ERC2: variants seen among roughly 807,000 people sequenced by gnomAD.
ERC2 encodes the protein ELKS/RAB6-interacting/CAST family member 2.
Under a neutral mutation model 114.8 loss-of-function variants are expected in ERC2, and 42 were observed. The ratio of observed to expected loss-of-function variants is 0.37; its 90% CI spans 0.29 to 0.47. The LOEUF (loss-of-function observed/expected upper bound fraction) is 0.47. ERC2 is among the 20% of genes least tolerant of loss of function. ERC2 has a pLI of 0.99. For synonymous variants in ERC2, 454 were observed against 425.5 expected (o/e 1.07, Z -0.82); for missense variants, 939 against 1,150.7 (o/e 0.82, Z 2.66).
chr3:55,682,557 G>A (rs1286591023), intron 17 of ERC2, among the ~76,000 whole-genome samples: 5 of 152,044 alleles, frequency 3.3e-5, no homozygotes, highest in African/African-American at 2.4e-5. Flanking sequence ...ACAATGAAAC[G>A]TCACCCACAG....
intron 3 of ERC2, among the ~76,000 whole-genome samples, chr3:56,287,029 G>A (rs147369392): frequency 1.0e-3 from 153 of 152,184 alleles, no homozygotes; most frequent in Admixed American, 2.4e-3. Flanking sequence ...CCTTTTTAGC[G>A]CTCTATCCGA....
intron 15 of ERC2, among the ~76,000 whole-genome samples, chr3:55,717,603 C>T (rs750700257): frequency 3.9e-5 from 6 of 152,088 alleles, no homozygotes; most frequent in Non-Finnish European, 8.8e-5. Context: ...TTGGTTTGTT[C>T]GAGAAGCTCT....
chr3:55,781,935 G>A (rs1276916835), intron 14 of ERC2, among the ~76,000 whole-genome samples: 2 of 151,700 alleles, frequency 1.3e-5, no homozygotes, highest in East Asian at 3.9e-4. Context: ...AACCAGAATG[G>A]AAAAGCAGCC....
At chr3:55,775,166 T>C (rs2068500661) in intron 14 of ERC2, among the ~76,000 whole-genome samples, 1 of 152,192 alleles carries the variant, frequency 6.6e-6, no homozygotes, top group South Asian at 2.1e-4. Flanking sequence ...AGGCCTTCTT[T>C]GTCTTCAATT....
intron 2 of ERC2, among the ~76,000 whole-genome samples, chr3:56,416,865 G>A (rs754005124): frequency 1.3e-5 from 2 of 152,076 alleles, no homozygotes; most frequent in Non-Finnish European, 1.5e-5. Context: ...ATCCATTTCA[G>A]TCATTCAGTC....
At chr3:56,264,596 CA>C (rs35155507) in intron 3 of ERC2, among the ~76,000 whole-genome samples, 37,666 of 136,580 alleles carry the variant, frequency 0.28, 5,337 homozygotes, top group East Asian at 0.56. Context: ...GACTCCATCT[CA>C]AAAAAAAAAA....
chr3:56,435,827 C>T (rs1288159737), intron 1 of ERC2, among the ~76,000 whole-genome samples: 1 of 152,200 alleles, frequency 6.6e-6, no homozygotes, highest in African/African-American at 2.4e-5. Flanking sequence ...AAACACATAG[C>T]CAGATCCTCA....
chr3:55,890,936 C>A (rs2063568502), intron 13 of ERC2, among the ~76,000 whole-genome samples: 1 of 152,162 alleles, frequency 6.6e-6, no homozygotes, highest in South Asian at 2.1e-4. Context: ...ATCACTATAC[C>A]CTCGGAATCT....
intron 15 of ERC2, among the ~76,000 whole-genome samples, chr3:55,700,216 C>T (rs149163776): frequency 4.9e-4 from 74 of 152,294 alleles, no homozygotes; most frequent in African/African-American, 1.7e-3. Flanking sequence ...TAGAAGTGTA[C>T]TGCTTTATTA....
At chr3:55,792,593 T>G (rs1040368615) in intron 14 of ERC2, among the ~76,000 whole-genome samples, 16 of 152,218 alleles carry the variant, frequency 1.1e-4, no homozygotes, top group African/African-American at 3.6e-4. Context: ...CTATGGAATG[T>G]AGCAATGAAA....
Position 56,182,353 on chromosome 3 carries a change from G to A in ERC2, c.1075-8833C>T, listed in dbSNP as rs116828603. ...AACACAGTGCCTGCCAACAGTAGGC[G>A]CTCAACAAACACTGATGGCTTGATT... On this transcript the variant is annotated intron_variant, in intron 3 of 17. Coordinates refer to ENST00000288221, the MANE Select transcript of ERC2 (RefSeq NM_015576.3). Among the ~76,000 whole-genome samples the A allele has an allele frequency of 7.3e-3, 1,107 of 152,272 alleles. 7 individuals carry two copies. Among genetic ancestry groups the A allele is most frequent in the African/African-American group, 0.025 (1,051 of 41,550 alleles).
intron 3 of ERC2, among the ~76,000 whole-genome samples, chr3:56,249,660 T>G (rs955291058): frequency 7.2e-5 from 11 of 151,770 alleles, no homozygotes; most frequent in South Asian, 2.1e-4. Flanking sequence ...ACCCTCAGTT[T>G]CTTCATCTGA....
chr3:56,132,754 C>A (rs1161602506), intron 6 of ERC2, among the ~76,000 whole-genome samples: 1 of 152,164 alleles, frequency 6.6e-6, no homozygotes, highest in African/African-American at 2.4e-5. Flanking sequence ...ACACAGCCAT[C>A]CATTCTTTTA....
At chr3:55,573,897 T>G (rs796908154) in intron 17 of ERC2, among the ~76,000 whole-genome samples, 2 of 152,170 alleles carry the variant, frequency 1.3e-5, no homozygotes, top group South Asian at 4.1e-4. Flanking sequence ...TAGCTTTTAT[T>G]TGATGAGGGC....
chr3:55,740,597 G>A lies in ERC2; in HGVS notation c.2565-5679C>T, dbSNP rs549140853. Among the ~76,000 whole-genome samples, 4 of 152,150 alleles carry A rather than the reference G, an allele frequency of 2.6e-5. No homozygotes were observed. In the South Asian group the frequency reaches 8.3e-4, roughly 32 times the overall value. On this transcript the variant is annotated intron_variant, in intron 14 of 17. Transcript: ENST00000288221. ...AGATAAAAAGGTATATAAAACTAGA[G>A]AAATAAGAACATTTCATACTTCAGG...
intron 17 of ERC2, among the ~76,000 whole-genome samples, chr3:55,589,044 C>T (rs993440377): frequency 2.0e-5 from 3 of 151,834 alleles, no homozygotes; most frequent in Admixed American, 6.6e-5. Flanking sequence ...AGCTGTGTAA[C>T]GTGGGCAAGT....
rs184802404 is a variant in ERC2 at position 55,699,385 on chromosome 3, G to A, written c.2840C>T (p.Pro947Leu). The A allele has an allele frequency of 7.4e-5, 119 of 1,613,722 alleles. 1 individual carries two copies. The highest frequency in any genetic ancestry group is 4.4e-4 in the African/African-American group (33 of 75,008). ...AGCAGCGATGAAACTGACCTGGTCCGGAGAGGGCCTGTGATTGGAATGTTG... is the reference window on the plus strand; with the variant it reads ...AGCAGCGATGAAACTGACCTGGTCCAGAGAGGGCCTGTGATTGGAATGTTG... ...RSQHSNHRPSPDQDDEEGIWA is the reference protein window; with the variant it reads ...RSQHSNHRPSLDQDDEEGIWA Residue 947 changes from proline to leucine, a missense_variant, in exon 16 of 18, where the codon CCG becomes CTG. Pro to Leu is a moderately conservative substitution (Grantham distance 98, BLOSUM62 -3). Transcript: ENST00000288221.
chr3:55,918,301 C>T (rs1325260892), intron 13 of ERC2, among the ~76,000 whole-genome samples: 1 of 151,954 alleles, frequency 6.6e-6, no homozygotes, highest in East Asian at 1.9e-4. Flanking sequence ...GGTTTACTGT[C>T]TTAAAAAATA....
chr3:56,390,286 C>G (rs1284932044), intron 2 of ERC2, among the ~76,000 whole-genome samples: 1 of 152,144 alleles, frequency 6.6e-6, no homozygotes, highest in Admixed American at 6.5e-5. Context: ...AAATTACAAC[C>G]AACTCAACAC....
Sources: gnomAD v4.1 joint callset for allele counts (sites outside exome capture counted in the v4.1 genomes callset) on GRCh38, gnomAD v4.1.1 for gene constraint, MANE v1.5 for transcripts, NCBI Gene and HGNC (gene_info 2026-07-23, HGNC 2026-07-21) for gene names.